The following NEK1 variants were observed in gnomAD, a reference collection of about 807,000 sequenced individuals.
NEK1 encodes serine/threonine-protein kinase Nek1.
In NEK1, 137 loss-of-function variants were observed where a neutral mutation model predicts 182.1. The ratio of observed to expected loss-of-function variants is 0.75; its 90% CI spans 0.65 to 0.87. The LOEUF is 0.87. Ranked by LOEUF, NEK1 falls within the 40% of genes least tolerant of loss-of-function variation. The pLI, the probability that NEK1 is intolerant of heterozygous loss-of-function variation, is 0.00. For missense variants in NEK1, 1,391 were observed against 1,494.4 expected, an observed-to-expected ratio of 0.93 and a Z score of 1.14; for synonymous variants, 513 against 492.2, an observed-to-expected ratio of 1.04 and a Z score of -0.56.
chr4:169,594,714 A>C (rs1243286028), intron 5 of NEK1, among the ~76,000 whole-genome samples: 1 of 152,240 alleles, frequency 6.6e-6, no homozygotes, highest in Non-Finnish European at 1.5e-5. Context: ...TAAAACTATT[A>C]GCTCAACACT....
chr4:169,407,639 G>A (rs1732878179), intron 31 of NEK1, among the ~76,000 whole-genome samples: 1 of 152,174 alleles, frequency 6.6e-6, no homozygotes, highest in Non-Finnish European at 1.5e-5. Context: ...CAATTAGAAT[G>A]TGATAGATAG....
chr4:169,589,900 T>C (rs1332668922), intron 6 of NEK1, among the ~76,000 whole-genome samples: 1 of 151,982 alleles, frequency 6.6e-6, no homozygotes, highest in Non-Finnish European at 1.5e-5. Context: ...AGACAATCCA[T>C]AAAATGAGAG....
rs1747122246 is a variant in NEK1, at chr4:169,477,208, C to G, written c.2350G>C (p.Asp784His). ...CCTCCTGCCTCCCACTTCTTGCGAT[C>G]AGATGAAACTGATTTTTCTTTTTCA... The part of the protein sequence containing the change: ...EHEKEKSVSS[D>H]RKKWEAGGQL... Residue 784 changes from aspartate to histidine, a missense_variant, in exon 26 of 36, where the codon GAT (aspartate) becomes CAT (histidine). Asp to His is a moderately conservative substitution (Grantham distance 81). Transcript: ENST00000507142. 6.2e-7 allele frequency: 1 copy of G among 1,607,468 alleles called. No homozygotes were observed. Among genetic ancestry groups the G allele is most frequent in the Admixed American group, 1.7e-5 (1 of 59,270 alleles).
intron 31 of NEK1, among the ~76,000 whole-genome samples, chr4:169,423,577 TAGTG>T (rs1435742542): frequency 6.6e-6 from 1 of 152,140 alleles, no homozygotes; most frequent in Non-Finnish European, 1.5e-5. Flanking sequence ...TAAATAATAA[TAGTG>T]GGTGGTATTT....
rs1315922960 is a variant in NEK1, at chr4:169,482,824, G to C, written c.2008-3290C>G. 2.0e-5 allele frequency among the ~76,000 whole-genome samples: 3 copies of C among 152,008 alleles called. 1 individual carries two copies. Among genetic ancestry groups the C allele is most frequent in the African/African-American group, 7.3e-5 (3 of 41,374 alleles). On this transcript the variant is annotated intron_variant, in intron 23 of 35. Coordinates refer to ENST00000507142, the MANE Select transcript of NEK1 (RefSeq NM_001199397.3). ...GCTAATTTTTTGTATTTTTAGTAGA[G>C]ATGGGGTTCACTATGTTAGCCAGGC... is the stretch of plus-strand genomic sequence containing the variant.
At chr4:169,544,795 G>A (rs1326546411) in intron 18 of NEK1, among the ~76,000 whole-genome samples, 2 of 151,466 alleles carry the variant, frequency 1.3e-5, no homozygotes, top group Non-Finnish European at 2.9e-5. Context: ...ATTCTCTGAT[G>A]GTAGTTTGTA....
intron 19 of NEK1, among the ~76,000 whole-genome samples, chr4:169,522,073 T>C (rs534138113): frequency 2.0e-5 from 3 of 152,334 alleles, no homozygotes; most frequent in East Asian, 1.9e-4. Context: ...ATTTTTACTC[T>C]CTGTTGTTCA....
At chr4:169,533,240 T>A (rs1280570844) in intron 19 of NEK1, among the ~76,000 whole-genome samples, 1 of 152,198 alleles carries the variant, frequency 6.6e-6, no homozygotes, top group East Asian at 1.9e-4. Flanking sequence ...AAAATCATAG[T>A]CTTCTCTGGC....
intron 10 of NEK1, among the ~76,000 whole-genome samples, 188 bp from the exon 11 acceptor site, chr4:169,581,090 T>G (rs1766574940): frequency 6.8e-6 from 1 of 146,798 alleles, no homozygotes. Context: ...GGTTCATGCC[T>G]GAAATCCCAG....
chr4:169,534,977 G>C (rs1758232423), intron 19 of NEK1, among the ~76,000 whole-genome samples: 3 of 152,116 alleles, frequency 2.0e-5, no homozygotes, highest in Non-Finnish European at 2.9e-5. Context: ...GAAGAAAAGT[G>C]GGGGACATGG....
chr4:169,595,455 A>G (rs1055085240), intron 5 of NEK1, among the ~76,000 whole-genome samples: 22 of 152,262 alleles, frequency 1.4e-4, no homozygotes, highest in Non-Finnish European at 2.4e-4. Flanking sequence ...AGTTTTACAT[A>G]TTTTTACTTT....
rs925597435 is a variant in NEK1, at chr4:169,394,325, A to G, written c.*185T>C. The G allele has an allele frequency of 6.2e-6, 3 of 484,138 alleles. No homozygotes were observed. The highest frequency in any genetic ancestry group is 1.1e-5 in the Non-Finnish European group (3 of 269,770). 30.0% of individuals were successfully genotyped at this position (484,138 alleles called of 1,614,324 possible). ...CCATGGAATTCAATGAACAAAATAG[A>G]TAAAATATTAGAATCTTCACTGAAA... is the stretch of plus-strand genomic sequence containing the variant. On this transcript the variant is annotated 3_prime_UTR_variant, in exon 36 of 36. Coordinates refer to ENST00000507142, the MANE Select transcript of NEK1 (RefSeq NM_001199397.3).
At chr4:169,499,272 C>T (rs1375121377) in intron 23 of NEK1, among the ~76,000 whole-genome samples, 1 of 152,076 alleles carries the variant, frequency 6.6e-6, no homozygotes, top group Non-Finnish European at 1.5e-5. Context: ...AAGGACTTCT[C>T]TACACTGGTT....
intron 7 of NEK1, among the ~76,000 whole-genome samples, chr4:169,589,137 T>A (rs1768008576): frequency 6.6e-6 from 1 of 152,330 alleles, no homozygotes; most frequent in Non-Finnish European, 1.5e-5. Context: ...TATATACCAT[T>A]GTGTTACAAT....
intron 26 of NEK1, among the ~76,000 whole-genome samples, chr4:169,471,848 C>T (rs1374746041): frequency 3.3e-5 from 5 of 152,188 alleles, no homozygotes; most frequent in South Asian, 2.1e-4. Flanking sequence ...CTAGAGATGC[C>T]TCTCTAGATT....
intron 5 of NEK1, among the ~76,000 whole-genome samples, chr4:169,597,695 G>A (rs1769765667): frequency 6.6e-6 from 1 of 152,036 alleles, no homozygotes; most frequent in South Asian, 2.1e-4. Flanking sequence ...AGCACTTTGG[G>A]AGACTGAGGC....
At chr4:169,419,174 A>G (rs987669631) in intron 31 of NEK1, among the ~76,000 whole-genome samples, 5 of 152,176 alleles carry the variant, frequency 3.3e-5, no homozygotes, top group Non-Finnish European at 7.4e-5. Flanking sequence ...AGGAAACTGT[A>G]AAAGAAGCCA....
chr4:169,492,107 A>G (rs1384837420), intron 23 of NEK1, among the ~76,000 whole-genome samples: 3 of 152,220 alleles, frequency 2.0e-5, no homozygotes, highest in African/African-American at 7.2e-5. Context: ...AAAAACAACC[A>G]GAAAACAATA....
intron 26 of NEK1, among the ~76,000 whole-genome samples, chr4:169,471,264 T>C (rs1186723458): frequency 1.3e-5 from 2 of 152,336 alleles, no homozygotes; most frequent in South Asian, 4.1e-4. Flanking sequence ...TGAATTTATC[T>C]ACCTTTGGTC....
Sources: gnomAD v4.1 joint callset for allele counts (sites outside exome capture counted in the v4.1 genomes callset) on GRCh38, gnomAD v4.1.1 for gene constraint, MANE v1.5 for transcripts, NCBI Gene and HGNC (gene_info 2026-07-23, HGNC 2026-07-21) for gene names.